Variants in ECE1 observed in about 807,000 individuals in gnomAD.
ECE1 encodes the protein endothelin-converting enzyme 1.
ECE1 carries 35 observed loss-of-function variants against 98.6 expected under a neutral mutation model. The ratio of observed to expected loss-of-function variants is 0.35; its 90% CI spans 0.27 to 0.47. The LOEUF (loss-of-function observed/expected upper bound fraction) is 0.47. ECE1 is among the 20% of genes least tolerant of loss of function. The pLI is 1.00. For synonymous variants in ECE1, 394 were observed against 407.1 expected, an observed-to-expected ratio of 0.97 and a Z score of 0.39; for missense variants, 814 against 1,025.3, an observed-to-expected ratio of 0.79 and a Z score of 2.81.
intron 4 of ECE1, among the ~76,000 whole-genome samples, chr1:21,265,189 A>G (rs1171659109): frequency 6.6e-6 from 1 of 152,198 alleles, no homozygotes; most frequent in African/African-American, 2.4e-5. Flanking sequence ...TGGTGAGTGA[A>G]TAAAGGAATG....
intron 1 of ECE1, among the ~76,000 whole-genome samples, chr1:21,315,146 T>A (rs2103394822): frequency 6.6e-6 from 1 of 152,316 alleles, no homozygotes; most frequent in African/African-American, 2.4e-5. Flanking sequence ...AATACCTATT[T>A]AACAGATGGG....
In ECE1 at chr1:21,258,646, G is replaced by A; in HGVS notation, c.762+47C>T. 1 of 1,508,900 alleles carries A rather than the reference G, an allele frequency of 6.6e-7. No homozygotes were observed. The highest frequency in any genetic ancestry group is 9.0e-7 in the Non-Finnish European group (1 of 1,113,176). The allele number at this position is 1,508,900 out of a possible 1,614,324, so 93.5% of individuals were successfully genotyped here. A position where few individuals can be genotyped will look rare whatever the true frequency, so the allele number is the denominator to read the frequency against. On this transcript the variant is annotated intron_variant, in intron 6 of 18. Coordinates refer to ENST00000374893, the MANE Select transcript of ECE1 (RefSeq NM_001397.3). This position sits in a 1 kb window ranked among gnomAD's most constrained non-coding sequence, Gnocchi z 4.2. ...GGTCCTGCTAAACTCAAAACAGGAA[G>A]AGGTCGTGCCCGCCCCCTCGACCGC...
At chr1:21,298,516 C>T (rs1638418239) in intron 1 of ECE1, 1 of 337,684 alleles carries the variant, frequency 3.0e-6, no homozygotes, top group Non-Finnish European at 5.9e-6. Context: ...CCAAAGGATC[C>T]TTACACGTCT....
intron 2 of ECE1, among the ~76,000 whole-genome samples, chr1:21,281,484 G>A (rs1035614561): frequency 6.6e-6 from 1 of 152,210 alleles, no homozygotes; most frequent in Non-Finnish European, 1.5e-5. Flanking sequence ...CTTTTTCAGA[G>A]TAATCAGTTA....
intron 4 of ECE1, among the ~76,000 whole-genome samples, chr1:21,264,812 G>A (rs140953496): frequency 6.6e-6 from 1 of 152,338 alleles, no homozygotes; most frequent in Non-Finnish European, 1.5e-5. Context: ...TGCAGGCTGA[G>A]AAATGCCACC....
In ECE1 at chr1:21,231,075, G is replaced by A. The variant is rs138521290; in HGVS notation, c.1670+2483C>T. Among the ~76,000 whole-genome samples, 458 of 152,124 alleles carry A rather than the reference G, an allele frequency of 3.0e-3. 3 individuals are homozygous for A. Among genetic ancestry groups the A allele is most frequent in the African/African-American group, 9.8e-3 (407 of 41,520 alleles). On this transcript the variant is annotated intron_variant, in intron 14 of 18. Coordinates refer to ENST00000374893, the MANE Select transcript of ECE1 (RefSeq NM_001397.3). ...ACTCCCGACCTCAGGTGATCCACCC[G>A]CCTTGGCCTCCCAAAGTGCTGGGAT...
chr1:21,265,678 G>C (rs1373138923), intron 4 of ECE1, among the ~76,000 whole-genome samples: 1 of 152,068 alleles, frequency 6.6e-6, no homozygotes, highest in Non-Finnish European at 1.5e-5. Flanking sequence ...TCTTTTTTCA[G>C]ACTAGCCCCA....
In ECE1 at chr1:21,333,489, T is replaced by G. The variant is rs72868870; in HGVS notation, c.3+11887A>C. ...CGCGTTCATCAGAAAACAGCATATGTGAGGGCCAGCACGCAGCCATTCTTT... is the reference window on the plus strand; with the variant it reads ...CGCGTTCATCAGAAAACAGCATATGGGAGGGCCAGCACGCAGCCATTCTTT... On this transcript the variant is annotated intron_variant, in intron 1 of 18. Transcript: ENST00000415912. 1.6e-3 allele frequency among the ~76,000 whole-genome samples: 243 copies of G among 152,186 alleles called. 1 individual carries two copies. Among genetic ancestry groups the G allele is most frequent in the Middle Eastern group, 0.01 (3 of 294 alleles).
intron 2 of ECE1, among the ~76,000 whole-genome samples, chr1:21,284,120 C>T (rs1179239739): frequency 6.6e-6 from 1 of 152,228 alleles, no homozygotes; most frequent in East Asian, 1.9e-4. Context: ...TCGGCTGAGT[C>T]TCTTCTTTGC....
chr1:21,329,351 C>T (rs1028560625), intron 1 of ECE1, among the ~76,000 whole-genome samples: 9 of 152,196 alleles, frequency 5.9e-5, no homozygotes, highest in Non-Finnish European at 1.0e-4. Flanking sequence ...CCTGGGTGTC[C>T]TGATTACCAG....
intron 2 of ECE1, chr1:21,279,681 C>CA: frequency 7.2e-7 from 1 of 1,398,004 alleles, no homozygotes; most frequent in African/African-American, 1.4e-5. Flanking sequence ...TGCAGGCATC[C>CA]AGTGAGTACC....
In ECE1 at chr1:21,345,418, G is replaced by A. The variant is rs1395545033; in HGVS notation, c.-40C>T. ...GCCCCGGCTTCGCGCAGCTCCCCGCGCCCGGCTCCCGATTCCCAGCTCCGG... is the reference window on the plus strand; with the variant it reads ...GCCCCGGCTTCGCGCAGCTCCCCGCACCCGGCTCCCGATTCCCAGCTCCGG... On this transcript the variant is annotated 5_prime_UTR_variant, in exon 1 of 19. Coordinates refer to the ECE1 transcript ENST00000415912. This position sits in a 1 kb window ranked among gnomAD's most constrained non-coding sequence, Gnocchi z 5.1. 12 of 1,320,182 alleles carry A rather than the reference G, an allele frequency of 9.1e-6. No individual in the cohort carries two copies. The highest frequency in any genetic ancestry group is 1.1e-5 in the Non-Finnish European group (11 of 1,024,262). The allele number at this position is 1,320,182 out of a possible 1,614,324, so 81.8% of individuals were successfully genotyped here.
chr1:21,273,042 C>T (rs1052682291), intron 3 of ECE1, 131 bp from the exon 4 acceptor site: 38 of 910,070 alleles, frequency 4.2e-5, no homozygotes, highest in African/African-American at 6.6e-5. Flanking sequence ...TGGAACTGGA[C>T]GGTCACTAGA....
chr1:21,239,626 A>G (rs1573950301), intron 10 of ECE1, among the ~76,000 whole-genome samples: 1 of 152,218 alleles, frequency 6.6e-6, no homozygotes, highest in East Asian at 1.9e-4. Context: ...AGCCAGGCAC[A>G]TCGTGTATAA....
At chr1:21,274,630 C>G (rs552851237) in intron 3 of ECE1, among the ~76,000 whole-genome samples, 1 of 152,130 alleles carries the variant, frequency 6.6e-6, no homozygotes, top group Non-Finnish European at 1.5e-5. Flanking sequence ...GGGCAGTGTT[C>G]CCCTCACTCA....
chr1:21,290,003 G>A lies in ECE1; in HGVS notation c.138+67C>T. The A allele has an allele frequency of 1.6e-6, 2 of 1,253,642 alleles. No homozygotes were observed. The highest frequency in any genetic ancestry group is 2.6e-5 in the South Asian group (1 of 38,624). The allele number at this position is 1,253,642 out of a possible 1,614,324, so 77.7% of individuals were successfully genotyped here. A position where few individuals can be genotyped will look rare whatever the true frequency, so the allele number is the denominator to read the frequency against. ...CGGGGTAGGTAGGGGCGGGGGGCGC[G>A]GCAGCGGCAGCGCGCATGCCCGGGC... is the stretch of plus-strand genomic sequence containing the variant. On this transcript the variant is annotated intron_variant, in intron 2 of 18. Coordinates refer to ENST00000374893, the MANE Select transcript of ECE1 (RefSeq NM_001397.3). This position sits in a 1 kb window ranked among gnomAD's most constrained non-coding sequence, Gnocchi z 7.3.
At position 21,258,650 on chromosome 1, in the gene ECE1, T is replaced by C. The variant is rs765320171; in HGVS notation, c.762+43A>G. 40 of 1,535,308 alleles carry C rather than the reference T, an allele frequency of 2.6e-5. No homozygotes were observed. Among genetic ancestry groups the C allele is most frequent in the Non-Finnish European group, 3.4e-5 (39 of 1,131,828 alleles). Reference sequence around the variant, plus strand: ...CTGCTAAACTCAAAACAGGAAGAGGTCGTGCCCGCCCCCTCGACCGCTGCA... The same window carrying C: ...CTGCTAAACTCAAAACAGGAAGAGGCCGTGCCCGCCCCCTCGACCGCTGCA... On this transcript the variant is annotated intron_variant, in intron 6 of 18. Transcript: ENST00000374893. This position sits in a 1 kb window ranked among gnomAD's most constrained non-coding sequence, Gnocchi z 4.2.
rs537515982 is a variant in ECE1 at position 21,310,298 on chromosome 1, G to A, written c.4-20142C>T. Reference sequence around the variant, plus strand: ...AGATTAGACATCCTTCACACCCAGAGAATTCGGCCAGGCTTACCTTGTGGT... The same window carrying A: ...AGATTAGACATCCTTCACACCCAGAAAATTCGGCCAGGCTTACCTTGTGGT... On this transcript the variant is annotated intron_variant, in intron 1 of 18. Coordinates refer to the ECE1 transcript ENST00000415912. Among the ~76,000 whole-genome samples the A allele has an allele frequency of 5.3e-5, 8 of 152,282 alleles. No homozygotes were observed. In the East Asian group the frequency reaches 1.5e-3, roughly 29 times the overall value.
chr1:21,291,311 C>T (rs1052760383), upstream of ECE1, among the ~76,000 whole-genome samples: 68 of 152,224 alleles, frequency 4.5e-4, no homozygotes, highest in Admixed American at 2.0e-4. Context: ...AGGCGGGAAT[C>T]CCTGCATTTA....
Sources: gnomAD v4.1 joint callset for allele counts (sites outside exome capture counted in the v4.1 genomes callset) on GRCh38, gnomAD v4.1.1 for gene constraint, Gnocchi (gnomAD v3.1) non-coding constraint, MANE v1.5 for transcripts, NCBI Gene and HGNC (gene_info 2026-07-23, HGNC 2026-07-21) for gene names.